SH3RF3: variants seen among roughly 807,000 people sequenced by gnomAD.
SH3RF3 encodes E3 ubiquitin-protein ligase SH3RF3.
In SH3RF3, 29 loss-of-function variants were observed where a neutral mutation model predicts 66.3. The observed-to-expected ratio is 0.44, with a 90% CI of 0.33 to 0.60. The LOEUF (loss-of-function observed/expected upper bound fraction) is 0.60, where lower values mean the gene tolerates loss of function less well. SH3RF3 is among the 20% of genes least tolerant of loss of function. The pLI is 0.04. For missense variants in SH3RF3, 1,194 were observed against 1,190.9 expected (o/e 1.00, Z -0.04); for synonymous variants, 583 against 532.0 (o/e 1.10, Z -1.32).
At chr2:109,166,293 A>G (rs1024836896) in intron 1 of SH3RF3, among the ~76,000 whole-genome samples, 19 of 152,154 alleles carry the variant, frequency 1.2e-4, no homozygotes, top group African/African-American at 4.6e-4. Context: ...CCTGGCCAAC[A>G]TAGTGAAACC....
chr2:109,462,906 G>A (rs571587625), intron 8 of SH3RF3, among the ~76,000 whole-genome samples: 31 of 152,348 alleles, frequency 2.0e-4, no homozygotes, highest in African/African-American at 7.0e-4. Flanking sequence ...CTTAGGGTCA[G>A]TTCAGATCCA....
At chr2:109,196,613 C>T (rs1157066244) in intron 1 of SH3RF3, among the ~76,000 whole-genome samples, 2 of 152,150 alleles carry the variant, frequency 1.3e-5, no homozygotes, top group Non-Finnish European at 2.9e-5. Context: ...CTTGAAACTC[C>T]GAGTGCTGCT....
rs529589628 is a variant in SH3RF3, at chr2:109,490,858, A to G, written c.2402A>G (p.Asn801Ser). Residue 801 changes from asparagine to serine, a missense_variant, in exon 9 of 10, where the codon AAC becomes AGC. Asn to Ser is a conservative substitution (Grantham distance 46). Transcript: ENST00000309415. ...AGGAAGGCAGGCTCCTTGGATCTAA[A>G]CTTCACATCTCCTTCCCGGCAAGCT... ...LHRKAGSLDL[N>S]FTSPSRQAPL... 4 of 1,535,854 alleles carry G rather than the reference A, an allele frequency of 2.6e-6. No individual in the cohort carries two copies. Among genetic ancestry groups the G allele is most frequent in the East Asian group, 2.4e-5 (1 of 40,870 alleles).
intron 1 of SH3RF3, among the ~76,000 whole-genome samples, chr2:109,253,160 TG>T (rs1680135114): frequency 6.6e-6 from 1 of 152,122 alleles, no homozygotes; most frequent in Admixed American, 6.6e-5. Context: ...TCTGAGTAGC[TG>T]GGATTACAGC....
intron 1 of SH3RF3, among the ~76,000 whole-genome samples, chr2:109,270,402 G>C (rs922171884): frequency 1.3e-5 from 2 of 152,178 alleles, no homozygotes; most frequent in Non-Finnish European, 2.9e-5. Flanking sequence ...GATTCCTGCT[G>C]TAGGACTGGC....
intron 1 of SH3RF3, among the ~76,000 whole-genome samples, chr2:109,172,987 G>T (rs1375142240): frequency 6.6e-6 from 1 of 152,236 alleles, no homozygotes; most frequent in African/African-American, 2.4e-5. Flanking sequence ...CCTTGCGCTT[G>T]TCTTCACGCA....
intron 1 of SH3RF3, among the ~76,000 whole-genome samples, chr2:109,153,737 A>G (rs796656012): frequency 3.9e-5 from 6 of 152,290 alleles, no homozygotes; most frequent in African/African-American, 1.4e-4. Flanking sequence ...TTTTGTGCTG[A>G]GCTGGGTTCT....
rs370737025 is a variant in SH3RF3, at chr2:109,347,838, C to T, written c.738C>T (p.Ser246=). 1.9e-6 allele frequency: 3 copies of T among 1,613,830 alleles called. No individual in the cohort carries two copies. In the East Asian group the frequency reaches 6.7e-5, roughly 36 times the overall value. ...LHGTQGFLPA[S]YIQCIQPLPH... is the part of the protein sequence containing the mutation. Reference sequence around the variant, plus strand: ...GCACACAGGGCTTCCTCCCAGCCAGCTATATCCAGTGCATCCAGCCCTTGC... The same window carrying T: ...GCACACAGGGCTTCCTCCCAGCCAGTTATATCCAGTGCATCCAGCCCTTGC... Residue 246 remains serine (S), a synonymous_variant, in exon 2 of 10, where the codon AGC becomes AGT. Coordinates refer to ENST00000309415, the MANE Select transcript of SH3RF3 (RefSeq NM_001099289.3).
At chr2:109,139,918 G>T (rs1212753165) in intron 1 of SH3RF3, among the ~76,000 whole-genome samples, 1 of 152,196 alleles carries the variant, frequency 6.6e-6, no homozygotes, top group Non-Finnish European at 1.5e-5. Context: ...GGCTTAGTTT[G>T]TTCAGGTTTG....
intron 1 of SH3RF3, among the ~76,000 whole-genome samples, chr2:109,245,022 G>T (rs887936917): frequency 6.6e-6 from 1 of 152,154 alleles, no homozygotes; most frequent in Non-Finnish European, 1.5e-5. Flanking sequence ...GTTGGATGGC[G>T]TCCCCTTTAA....
At position 109,411,605 on chromosome 2, in the gene SH3RF3, G is replaced by GT. The variant is rs140505900; in HGVS notation, c.1300-7933dup. ...CGACCAGTGTGCCACTCATTTCTTTGTACTTTTAGTTTTCATATCCCTGAG... is the reference window on the plus strand; with the variant it reads ...CGACCAGTGTGCCACTCATTTCTTTGTTACTTTTAGTTTTCATATCCCTGAG... On this transcript the variant is annotated intron_variant, in intron 4 of 9. Transcript: ENST00000309415. 4.8e-3 allele frequency among the ~76,000 whole-genome samples: 738 copies of GT among 152,266 alleles called. 4 individuals carry two copies. The highest frequency in any genetic ancestry group is 0.015 in the African/African-American group (629 of 41,536).
intron 1 of SH3RF3, among the ~76,000 whole-genome samples, chr2:109,267,208 G>A (rs1680516917): frequency 6.6e-6 from 1 of 152,082 alleles, no homozygotes; most frequent in South Asian, 2.1e-4. Context: ...TATTTTTTAG[G>A]AATCTCCCTT....
In SH3RF3 at chr2:109,249,519, T is replaced by TTCTTTCTTTCTTTCTTTC. The variant is rs10646553; in HGVS notation, c.574-98154_574-98153insCTTTCTTTCTTTCTTTCT. On this transcript the variant is annotated intron_variant, in intron 1 of 9. Transcript: ENST00000309415. The stretch of plus-strand genomic sequence containing the variant: ...TTTCTTTCTTTCTTTCATTCTTTCT[T>TTCTTTCTTTCTTTCTTTC]TTTCTTTCTTTCTTTCCTTCCTTCC... Among the ~76,000 whole-genome samples the TTCTTTCTTTCTTTCTTTC allele has an allele frequency of 4.7e-4, 29 of 61,920 alleles. 1 individual carries two copies. Among genetic ancestry groups the TTCTTTCTTTCTTTCTTTC allele is most frequent in the South Asian group, 1.2e-3 (2 of 1,696 alleles). The allele number at this position is 61,920 out of a possible 152,430, so 40.6% of individuals were successfully genotyped here. A position where few individuals can be genotyped will look rare whatever the true frequency, so the allele number is the denominator to read the frequency against.
intron 1 of SH3RF3, among the ~76,000 whole-genome samples, chr2:109,343,931 A>T (rs1205334838): frequency 6.6e-6 from 1 of 151,862 alleles, no homozygotes; most frequent in East Asian, 1.9e-4. Context: ...ATTTTTAGAG[A>T]TAGGGTCTCA....
At chr2:109,269,599 G>A (rs1383512902) in intron 1 of SH3RF3, among the ~76,000 whole-genome samples, 4 of 152,132 alleles carry the variant, frequency 2.6e-5, no homozygotes, top group Non-Finnish European at 5.9e-5. Flanking sequence ...TGGCCAACAC[G>A]GTGAAACCCC....
At chr2:109,146,711 G>A (rs1677105077) in intron 1 of SH3RF3, among the ~76,000 whole-genome samples, 1 of 152,042 alleles carries the variant, frequency 6.6e-6, no homozygotes, top group African/African-American at 2.4e-5. Context: ...TGGATTGGGG[G>A]GCCCCATAGA....
In SH3RF3 at chr2:109,390,472, C is replaced by G. The variant is rs114570294; in HGVS notation, c.946-8118C>G. ...TTTAGTCCTGGAATCTTCCTTCTGG[C>G]AGGTCTTAATACTGAAATGACAATG... On this transcript the variant is annotated intron_variant, in intron 3 of 9. Transcript: ENST00000309415. 5.1e-3 allele frequency among the ~76,000 whole-genome samples: 780 copies of G among 152,080 alleles called. 5 individuals carry two copies. Among genetic ancestry groups the G allele is most frequent in the African/African-American group, 0.018 (742 of 41,362 alleles).
intron 1 of SH3RF3, among the ~76,000 whole-genome samples, chr2:109,132,339 TAAAA>T (rs912436284): frequency 6.6e-6 from 1 of 152,088 alleles, no homozygotes; most frequent in African/African-American, 2.4e-5. Flanking sequence ...CAGCTTTATT[TAAAA>T]AAAAGTTTTA....
intron 1 of SH3RF3, among the ~76,000 whole-genome samples, chr2:109,297,855 C>A (rs778771755): frequency 1.3e-5 from 2 of 152,214 alleles, no homozygotes; most frequent in South Asian, 2.1e-4. Context: ...TGGGCCAGTT[C>A]GCCCCACCCA....
Sources: gnomAD v4.1 joint callset for allele counts (sites outside exome capture counted in the v4.1 genomes callset) on GRCh38, gnomAD v4.1.1 for gene constraint, MANE v1.5 for transcripts, NCBI Gene and HGNC (gene_info 2026-07-23, HGNC 2026-07-21) for gene names.